The following RGS6 variants were observed in gnomAD, a reference collection of about 807,000 sequenced individuals.
RGS6 encodes the protein regulator of G protein signaling 6.
Under a neutral mutation model 78.5 loss-of-function variants are expected in RGS6, and 30 were observed. The observed-to-expected ratio is 0.38, with a 90% CI of 0.29 to 0.52. The LOEUF is 0.52. RGS6 is among the 20% of genes least tolerant of loss of function. The pLI is 0.85. For missense variants in RGS6, 495 were observed against 609.7 expected, an observed-to-expected ratio of 0.81 and a Z score of 1.98; for synonymous variants, 206 against 206.0, an observed-to-expected ratio of 1.00 and a Z score of 0.00.
chr14:72,153,582 TAAAGAG>T lies in RGS6; in HGVS notation c.84+188714_84+188719del, dbSNP rs1223730357. On this transcript the variant is annotated intron_variant, in intron 2 of 17. Transcript: ENST00000553525. ...TCCATAATATCAGCTGGCTGAGAAA[TAAAGAG>T]AAAGAGTACAAAGAGAGGAATTTTA... Among the ~76,000 whole-genome samples, 9 of 152,196 alleles carry T rather than the reference TAAAGAG, an allele frequency of 5.9e-5. No individual in the cohort carries two copies. The East Asian group carries it at 1.2e-3, about 20-fold the overall frequency.
At chr14:71,881,659 G>A in the RGS6 span, among the ~76,000 whole-genome samples, 1 of 152,150 alleles carries the variant, frequency 6.6e-6, no homozygotes, top group Non-Finnish European at 1.5e-5. Flanking sequence ...TAGCCATGTG[G>A]AATTGTGAGT....
At chr14:72,072,872 C>T (rs1411454136) in intron 2 of RGS6, among the ~76,000 whole-genome samples, 1 of 152,228 alleles carries the variant, frequency 6.6e-6, no homozygotes, top group Non-Finnish European at 1.5e-5. Flanking sequence ...TGCTGTCGTT[C>T]TCCAATGTGG....
intron 2 of RGS6, among the ~76,000 whole-genome samples, chr14:72,298,510 C>G (rs1383098317): frequency 7.0e-6 from 1 of 142,244 alleles, no homozygotes; most frequent in Non-Finnish European, 1.5e-5. Context: ...TGCAATGGTG[C>G]CATCTCAGCT....
At chr14:72,579,841 C>T in the RGS6 span, among the ~76,000 whole-genome samples, 1 of 152,192 alleles carries the variant, frequency 6.6e-6, no homozygotes, top group Non-Finnish European at 1.5e-5. Flanking sequence ...CTAAGATCTT[C>T]AGACAGTAAA....
rs892740632 is a variant in RGS6, at chr14:72,528,738, G to A, written c.1279-7448G>A. On this transcript the variant is annotated intron_variant, in intron 15 of 17. Coordinates refer to ENST00000553525, the MANE Select transcript of RGS6 (RefSeq NM_001204424.2). ...AAAGCAAGAAAGAGAGAGAGCACGC[G>A]GGCCAGCACGCTTTTTCTCCATCCC... is the stretch of plus-strand genomic sequence containing the variant. 2.9e-4 allele frequency among the ~76,000 whole-genome samples: 44 copies of A among 152,304 alleles called. 1 individual carries two copies. The highest frequency in any genetic ancestry group is 4.6e-4 in the Admixed American group (7 of 15,296).
At chr14:72,370,348 C>T (rs776488691) in intron 3 of RGS6, among the ~76,000 whole-genome samples, 10 of 152,068 alleles carry the variant, frequency 6.6e-5, no homozygotes, top group Non-Finnish European at 1.3e-4. Context: ...GACATTATCT[C>T]CTATGCCATA....
chr14:72,173,442 G>A lies in RGS6; in HGVS notation c.85-178653G>A, dbSNP rs987517458. 3.9e-5 allele frequency among the ~76,000 whole-genome samples: 6 copies of A among 152,270 alleles called. No individual in the cohort carries two copies. In the East Asian group the frequency reaches 7.7e-4, roughly 20 times the overall value. On this transcript the variant is annotated intron_variant, in intron 2 of 17. Transcript: ENST00000553525. The stretch of plus-strand genomic sequence containing the variant: ...ATGAGAGCCTATGCTGTGGCCAGTC[G>A]CTGTGACAGAATGGTTTTCTGCAGG...
intron 2 of RGS6, among the ~76,000 whole-genome samples, chr14:72,199,218 A>G (rs1476560247): frequency 6.6e-6 from 1 of 152,188 alleles, no homozygotes; most frequent in Non-Finnish European, 1.5e-5. Context: ...AATTAGTGAC[A>G]TTTTGTTTTT....
chr14:72,448,601 G>C (rs2095422969), intron 3 of RGS6, among the ~76,000 whole-genome samples: 2 of 151,938 alleles, frequency 1.3e-5, no homozygotes, highest in Admixed American at 1.3e-4. Flanking sequence ...TTACAACATA[G>C]GATTAGTATA....
At chr14:72,090,648 G>T (rs1019346810) in intron 2 of RGS6, among the ~76,000 whole-genome samples, 2 of 152,186 alleles carry the variant, frequency 1.3e-5, no homozygotes, top group African/African-American at 4.8e-5. Flanking sequence ...GTGCCAAAAA[G>T]GTTGGAGACT....
At chr14:72,360,667 C>A (rs548579908) in intron 3 of RGS6, among the ~76,000 whole-genome samples, 73 of 151,740 alleles carry the variant, frequency 4.8e-4, no homozygotes, top group Non-Finnish European at 9.6e-4. Flanking sequence ...ATCTGGAAAC[C>A]AAAAATGGTA....
the RGS6 span, among the ~76,000 whole-genome samples, chr14:72,592,406 C>A: frequency 6.6e-6 from 1 of 152,228 alleles, no homozygotes; most frequent in Non-Finnish European, 1.5e-5. Flanking sequence ...CCTATCTCCA[C>A]CTGCAATTCC....
intron 16 of RGS6, chr14:72,537,661 A>G (rs2097268463): frequency 3.1e-6 from 2 of 650,900 alleles, no homozygotes; most frequent in East Asian, 2.7e-5. Context: ...ACTAGAGGAA[A>G]GAAAAATTAT....
At position 72,170,278 on chromosome 14, in the gene RGS6, C is replaced by T. The variant is rs563757147; in HGVS notation, c.85-181817C>T. ...ATGTTTAATACAGACTGAGGTAGACCTTATAAATGGTATTGGTGAAGCCTA... is the reference window on the plus strand; with the variant it reads ...ATGTTTAATACAGACTGAGGTAGACTTTATAAATGGTATTGGTGAAGCCTA... On this transcript the variant is annotated intron_variant, in intron 2 of 17. Coordinates refer to ENST00000553525, the MANE Select transcript of RGS6 (RefSeq NM_001204424.2). 2.1e-4 allele frequency among the ~76,000 whole-genome samples: 32 copies of T among 152,306 alleles called. No homozygotes were observed. In the East Asian group the frequency reaches 4.8e-3, roughly 23 times the overall value.
chr14:72,301,556 C>G (rs1391854792), intron 2 of RGS6, among the ~76,000 whole-genome samples: 1 of 152,134 alleles, frequency 6.6e-6, no homozygotes, highest in East Asian at 1.9e-4. Context: ...TTGGTTGTAT[C>G]AGTTTGCTAG....
intron 2 of RGS6, among the ~76,000 whole-genome samples, chr14:72,280,952 G>A (rs1425507679): frequency 6.6e-6 from 1 of 152,040 alleles, no homozygotes; most frequent in Non-Finnish European, 1.5e-5. Context: ...GTGGACAGAT[G>A]GTTATGACTT....
chr14:72,569,172 C>T (rs2097717403), downstream of RGS6, among the ~76,000 whole-genome samples: 2 of 151,344 alleles, frequency 1.3e-5, no homozygotes, highest in South Asian at 4.2e-4. Context: ...CTATAATTTA[C>T]CTACATTAAA....
rs150371992 is a variant in RGS6, at chr14:72,410,786, T to C, written c.185-43742T>C. On this transcript the variant is annotated intron_variant, in intron 3 of 17. Transcript: ENST00000553525. ...GGATCCAGTTTCAGCTTTCTACATATGGCTAGCCAGTTTTCCCAGCACCAT... is the reference window on the plus strand; with the variant it reads ...GGATCCAGTTTCAGCTTTCTACATACGGCTAGCCAGTTTTCCCAGCACCAT... Among the ~76,000 whole-genome samples the C allele has an allele frequency of 5.0e-3, 768 of 152,352 alleles. 3 individuals carry two copies. Among genetic ancestry groups the C allele is most frequent in the African/African-American group, 0.017 (721 of 41,578 alleles).
chr14:71,996,137 G>A (rs1008748089), intron 2 of RGS6, among the ~76,000 whole-genome samples: 6 of 147,694 alleles, frequency 4.1e-5, no homozygotes, highest in Admixed American at 6.9e-5. Flanking sequence ...GCAGCAAGTC[G>A]GGTGTTCGTT....
Sources: allele counts gnomAD v4.1 joint callset (sites outside exome capture counted in the v4.1 genomes callset), GRCh38; gene constraint gnomAD v4.1.1; transcripts MANE v1.5; gene names NCBI Gene and HGNC (gene_info 2026-07-23, HGNC 2026-07-21).